Variants in OXR1 observed in about 807,000 individuals in gnomAD.
OXR1 encodes the protein oxidation resistance protein 1.
Under a neutral mutation model 104.6 loss-of-function variants are expected in OXR1, and 41 were observed. That is an observed-to-expected ratio of 0.39 (90% confidence interval 0.31 to 0.51). The LOEUF (loss-of-function observed/expected upper bound fraction) is 0.51. Ranked by LOEUF, OXR1 falls within the 20% of genes least tolerant of loss-of-function variation. The probability of loss-of-function intolerance (pLI) is 0.77; values close to 1 mark genes in which losing one functional copy is unlikely to be tolerated. For missense variants in OXR1, 955 were observed against 1,031.9 expected, an observed-to-expected ratio of 0.93 and a Z score of 1.02; for synonymous variants, 348 against 348.4, an observed-to-expected ratio of 1.00 and a Z score of 0.01.
intron 3 of OXR1, among the ~76,000 whole-genome samples, chr8:106,535,856 A>G (rs1368202391): frequency 6.6e-6 from 1 of 152,154 alleles, no homozygotes; most frequent in Non-Finnish European, 1.5e-5. Context: ...CATTCATTCC[A>G]TACCTCCTAA....
At chr8:106,561,761 G>T (rs551628193) in intron 3 of OXR1, among the ~76,000 whole-genome samples, 2 of 152,286 alleles carry the variant, frequency 1.3e-5, no homozygotes, top group African/African-American at 2.4e-5. Flanking sequence ...CCTCTGGGAC[G>T]AAGCTTCCAG....
At chr8:106,442,437 G>A (rs1359885283) in intron 2 of OXR1, among the ~76,000 whole-genome samples, 1 of 152,108 alleles carries the variant, frequency 6.6e-6, no homozygotes, top group Non-Finnish European at 1.5e-5. Context: ...CATGAAATGA[G>A]TTAGGGGAGA....
At chr8:106,629,767 T>G (rs1822506267) in intron 3 of OXR1, among the ~76,000 whole-genome samples, 1 of 152,210 alleles carries the variant, frequency 6.6e-6, no homozygotes, top group African/African-American at 2.4e-5. Context: ...GCATTATTAT[T>G]CTGCTAAGGA....
intron 2 of OXR1, among the ~76,000 whole-genome samples, chr8:106,364,916 A>G (rs748383435): frequency 3.3e-5 from 5 of 152,194 alleles, no homozygotes; most frequent in Non-Finnish European, 5.9e-5. Context: ...TTGTGCTGCT[A>G]AATTGCAGGC....
intron 1 of OXR1, among the ~76,000 whole-genome samples, chr8:106,318,466 C>T (rs1814070691): frequency 6.6e-6 from 1 of 152,174 alleles, no homozygotes; most frequent in Non-Finnish European, 1.5e-5. Context: ...AAAGATCTCC[C>T]TTGCTAGCCT....
intron 1 of OXR1, among the ~76,000 whole-genome samples, chr8:106,300,584 G>A (rs929866572): frequency 3.3e-5 from 5 of 151,798 alleles, no homozygotes; most frequent in Non-Finnish European, 7.4e-5. Context: ...GAAATGCACC[G>A]TGAATCATTG....
intron 3 of OXR1, among the ~76,000 whole-genome samples, chr8:106,520,107 G>A (rs767369218): frequency 3.3e-5 from 5 of 152,156 alleles, no homozygotes; most frequent in Non-Finnish European, 5.9e-5. Flanking sequence ...GTGGCTTAAT[G>A]GGTTAACCAG....
intron 3 of OXR1, among the ~76,000 whole-genome samples, chr8:106,575,875 T>G (rs2130591869): frequency 6.6e-6 from 1 of 151,964 alleles, no homozygotes; most frequent in East Asian, 1.9e-4. Context: ...TATATGATTT[T>G]CAAATACGTG....
intron 2 of OXR1, among the ~76,000 whole-genome samples, chr8:106,383,522 A>G (rs967619896): frequency 2.6e-5 from 4 of 152,202 alleles, no homozygotes; most frequent in African/African-American, 9.6e-5. Flanking sequence ...TCACAAATCT[A>G]TAAGGATTAT....
At chr8:106,600,785 C>T (rs1270778268) in intron 3 of OXR1, among the ~76,000 whole-genome samples, 1 of 152,120 alleles carries the variant, frequency 6.6e-6, no homozygotes, top group Non-Finnish European at 1.5e-5. Flanking sequence ...CTCAGAAGGG[C>T]CTGCTTGCCA....
rs561857744 is a variant in OXR1 at position 106,359,478 on chromosome 8, C to T, written c.-136C>T. 1 of 672,234 alleles carries T rather than the reference C, an allele frequency of 1.5e-6. No individual in the cohort carries two copies. Among genetic ancestry groups the T allele is most frequent in the African/African-American group, 1.8e-5 (1 of 55,594 alleles). The allele number at this position is 672,234 out of a possible 1,614,324, so 41.6% of individuals were successfully genotyped here. A position where few individuals can be genotyped will look rare whatever the true frequency, so the allele number is the denominator to read the frequency against. ...TCATTTATTTCTTTTCTTTATAGGTCCTCTCAAACTGTGAGTAACTAAGTG... is the reference window on the plus strand; with the variant it reads ...TCATTTATTTCTTTTCTTTATAGGTTCTCTCAAACTGTGAGTAACTAAGTG... On this transcript the variant is annotated splice_region_variant and 5_prime_UTR_variant, in exon 2 of 17. Transcript: ENST00000517566.
At chr8:106,582,177 CAT>C (rs71562108) in intron 3 of OXR1, among the ~76,000 whole-genome samples, 1,552 of 119,302 alleles carry the variant, frequency 0.013, 20 homozygotes, top group South Asian at 0.016. Flanking sequence ...TTTCTATTGA[CAT>C]ATATATATAT....
intron 2 of OXR1, among the ~76,000 whole-genome samples, chr8:106,443,271 GT>G (rs1462181468): frequency 6.6e-6 from 1 of 152,060 alleles, no homozygotes; most frequent in Non-Finnish European, 1.5e-5. Context: ...CTGAGAGACT[GT>G]TTATTATAAT....
At chr8:106,335,372 A>G (rs1451517757) in intron 1 of OXR1, among the ~76,000 whole-genome samples, 4 of 152,056 alleles carry the variant, frequency 2.6e-5, no homozygotes, top group Non-Finnish European at 5.9e-5. Flanking sequence ...ATCAAATTCT[A>G]TTTTTGGTTT....
intron 1 of OXR1, among the ~76,000 whole-genome samples, chr8:106,299,923 G>C (rs1360410535): frequency 6.6e-6 from 1 of 152,210 alleles, no homozygotes; most frequent in Admixed American, 6.5e-5. Context: ...AAATTTCACA[G>C]AGTGCTTGGG....
intron 2 of OXR1, among the ~76,000 whole-genome samples, chr8:106,439,804 T>C (rs1819714429): frequency 6.6e-6 from 1 of 152,118 alleles, no homozygotes; most frequent in Non-Finnish European, 1.5e-5. Flanking sequence ...AATAAATTCA[T>C]TGAATGAATG....
At chr8:106,398,648 G>A (rs1049667461) in intron 2 of OXR1, among the ~76,000 whole-genome samples, 1 of 152,290 alleles carries the variant, frequency 6.6e-6, no homozygotes, top group African/African-American at 2.4e-5. Flanking sequence ...AGCAAATTTA[G>A]TTGGTCCAGA....
chr8:106,271,956 A>G (rs1811833270), intron 1 of OXR1: 2 of 152,132 alleles, frequency 1.3e-5, no homozygotes, highest in Admixed American at 6.5e-5. Flanking sequence ...TGCCCCTTGC[A>G]GGTGATGCTG....
chr8:106,396,746 AC>A (rs567480711), intron 2 of OXR1, among the ~76,000 whole-genome samples: 1 of 152,168 alleles, frequency 6.6e-6, no homozygotes, highest in African/African-American at 2.4e-5. Flanking sequence ...TTACTTTTGC[AC>A]CAATAATAGT....
Sources: gnomAD v4.1 joint callset for allele counts (sites outside exome capture counted in the v4.1 genomes callset) on GRCh38, gnomAD v4.1.1 for gene constraint, MANE v1.5 for transcripts, NCBI Gene and HGNC (gene_info 2026-07-23, HGNC 2026-07-21) for gene names.